Variants in GABRG2 observed in about 807,000 individuals in gnomAD.
GABRG2 encodes the protein gamma-aminobutyric acid receptor subunit gamma-2.
GABRG2 carries 16 observed loss-of-function variants against 56.4 expected under a neutral mutation model. The ratio of observed to expected loss-of-function variants is 0.28; its 90% CI spans 0.19 to 0.43. GABRG2 has a LOEUF of 0.43. Among genes scored for constraint, GABRG2 ranks in the 20% least tolerant of loss-of-function variants. The pLI, the probability that GABRG2 is intolerant of heterozygous loss-of-function variation, is 1.00. For missense variants in GABRG2, 327 were observed against 582.7 expected (o/e 0.56, Z 4.52); for synonymous variants, 208 against 205.5 (o/e 1.01, Z -0.10).
chr5:162,138,441 A>G (rs187685332), intron 6 of GABRG2, among the ~76,000 whole-genome samples: 8 of 152,290 alleles, frequency 5.3e-5, no homozygotes, highest in Admixed American at 2.6e-4. Context: ...CTCTCTGTCT[A>G]TCTGGGTTGT....
chr5:162,069,753 T>C (rs1170418170), intron 1 of GABRG2, among the ~76,000 whole-genome samples: 1 of 152,204 alleles, frequency 6.6e-6, no homozygotes, highest in Non-Finnish European at 1.5e-5. Context: ...TAATACAATT[T>C]GGTGAAATCC....
Position 162,071,867 on chromosome 5 carries a change from T to C in GABRG2, c.107+3761T>C, listed in dbSNP as rs1159765867. 3.3e-5 allele frequency among the ~76,000 whole-genome samples: 5 copies of C among 151,586 alleles called. No individual in the cohort carries two copies. The South Asian group carries it at 1.0e-3, about 31-fold the overall frequency. On this transcript the variant is annotated intron_variant, in intron 1 of 9. Coordinates refer to ENST00000639213, the MANE Select transcript of GABRG2 (RefSeq NM_198904.4). ...TAGACTGGGTAGACTATTTGAATGG[T>C]AGGGACTCTACCTTTCAAATTCAAA...
intron 9 of GABRG2, 142 bp from the exon 10 acceptor site, chr5:162,152,951 C>A: frequency 2.0e-6 from 2 of 987,418 alleles, no homozygotes; most frequent in Non-Finnish European, 3.1e-6. Flanking sequence ...TTCAATTTTA[C>A]CATTGTAGAT....
At chr5:162,094,645 A>C (rs564542223) in intron 2 of GABRG2, 1 of 153,074 alleles carries the variant, frequency 6.5e-6, no homozygotes, top group South Asian at 2.1e-4. Context: ...GATCCAGCCC[A>C]AAGTCGAGAG....
At chr5:162,115,255 T>C (rs901753865) in intron 6 of GABRG2, among the ~76,000 whole-genome samples, 1 of 152,156 alleles carries the variant, frequency 6.6e-6, no homozygotes, top group African/African-American at 2.4e-5. Context: ...AAAATCAGAC[T>C]AGACTGATTT....
At chr5:162,134,475 CT>C (rs1303525739) in intron 6 of GABRG2, among the ~76,000 whole-genome samples, 3 of 152,102 alleles carry the variant, frequency 2.0e-5, no homozygotes, top group Admixed American at 6.6e-5. Context: ...TATATTAACT[CT>C]TTTTATGTTC....
In GABRG2 at chr5:162,095,377, T is replaced by C. The variant is rs1760922263; in HGVS notation, c.260-118T>C. 14 of 699,344 alleles carry C rather than the reference T, an allele frequency of 2.0e-5. No individual in the cohort carries two copies. In the South Asian group the frequency reaches 2.2e-4, roughly 11 times the overall value. The allele number at this position is 699,344 out of a possible 1,614,324, so 43.3% of individuals were successfully genotyped here. A position where few individuals can be genotyped will look rare whatever the true frequency, so the allele number is the denominator to read the frequency against. Reference sequence around the variant, plus strand: ...GGTGAATTAGTAACTGGTACCAAATTAGTTGTGAATAAATTACTTCTAATG... The same window carrying C: ...GGTGAATTAGTAACTGGTACCAAATCAGTTGTGAATAAATTACTTCTAATG... On this transcript the variant is annotated intron_variant, in intron 2 of 9. Transcript: ENST00000639213.
intron 6 of GABRG2, among the ~76,000 whole-genome samples, chr5:162,116,188 TG>T (rs973314099): frequency 6.6e-6 from 1 of 151,296 alleles, no homozygotes; most frequent in Non-Finnish European, 1.5e-5. Flanking sequence ...CTTTATCTAG[TG>T]TGTAATTTAT....
intron 6 of GABRG2, among the ~76,000 whole-genome samples, chr5:162,115,966 G>C (rs1276928998): frequency 6.6e-6 from 1 of 151,898 alleles, no homozygotes; most frequent in Non-Finnish European, 1.5e-5. Context: ...GAAATTTCCA[G>C]GTACAACCAA....
intron 6 of GABRG2, among the ~76,000 whole-genome samples, chr5:162,131,018 A>T (rs1012889423): frequency 6.6e-6 from 1 of 152,038 alleles, no homozygotes; most frequent in African/African-American, 2.4e-5. Flanking sequence ...CTAAGTGATG[A>T]AGTGTCTTAA....
intron 6 of GABRG2, among the ~76,000 whole-genome samples, chr5:162,105,586 C>A (rs1183628308): frequency 1.3e-5 from 2 of 151,718 alleles, no homozygotes; most frequent in African/African-American, 4.8e-5. Context: ...CCCACCACCA[C>A]GCCTGGCTAA....
Position 162,094,985 on chromosome 5 carries a change from T to C in GABRG2, c.260-510T>C, listed in dbSNP as rs1409212323. Among the ~76,000 whole-genome samples, 4 of 152,272 alleles carry C rather than the reference T, an allele frequency of 2.6e-5. No individual in the cohort carries two copies. In the East Asian group the frequency reaches 7.7e-4, roughly 29 times the overall value. ...TGTGTTGGTGAGAGGAGTGTGAGGA[T>C]AATGTGGTCATTAAAGGAATCAACA... On this transcript the variant is annotated intron_variant, in intron 2 of 9. Coordinates refer to ENST00000639213, the MANE Select transcript of GABRG2 (RefSeq NM_198904.4).
intron 3 of GABRG2, among the ~76,000 whole-genome samples, chr5:162,097,027 C>T (rs962439625): frequency 5.3e-5 from 8 of 152,086 alleles, no homozygotes; most frequent in Admixed American, 3.9e-4. Context: ...TATCCTAACA[C>T]GGCCTACCCA....
intron 1 of GABRG2, among the ~76,000 whole-genome samples, chr5:162,092,640 C>T (rs1000196892): frequency 7.9e-5 from 12 of 151,864 alleles, no homozygotes; most frequent in African/African-American, 2.7e-4. Flanking sequence ...ACTTGATGAC[C>T]GAGTATGAAT....
chr5:162,127,658 T>C (rs1489295351), intron 6 of GABRG2, among the ~76,000 whole-genome samples: 1 of 151,974 alleles, frequency 6.6e-6, no homozygotes, highest in Non-Finnish European at 1.5e-5. Flanking sequence ...TTAAATATGT[T>C]GTCTCCTGAA....
At chr5:162,133,274 A>G (rs1485811218) in intron 6 of GABRG2, among the ~76,000 whole-genome samples, 1 of 152,112 alleles carries the variant, frequency 6.6e-6, no homozygotes, top group Non-Finnish European at 1.5e-5. Flanking sequence ...AGATGACAAA[A>G]CACTTTGCCT....
intron 1 of GABRG2, among the ~76,000 whole-genome samples, chr5:162,079,531 G>T (rs960755608): frequency 2.0e-5 from 3 of 151,948 alleles, no homozygotes; most frequent in African/African-American, 7.2e-5. Flanking sequence ...CTAGCACCCT[G>T]CCAGCTGCTG....
intron 6 of GABRG2, among the ~76,000 whole-genome samples, chr5:162,119,143 GA>G (rs1489220266): frequency 1.3e-5 from 2 of 152,066 alleles, no homozygotes; most frequent in African/African-American, 4.8e-5. Context: ...CAGAGATATA[GA>G]GAAATATTTA....
At chr5:162,092,905 G>T (rs1012347393) in intron 1 of GABRG2, among the ~76,000 whole-genome samples, 4 of 152,032 alleles carry the variant, frequency 2.6e-5, no homozygotes, top group Non-Finnish European at 4.4e-5. Flanking sequence ...CTTTTGCACG[G>T]GTGTGTGTGT....
Sources: gnomAD v4.1 joint callset for allele counts (sites outside exome capture counted in the v4.1 genomes callset) on GRCh38, gnomAD v4.1.1 for gene constraint, MANE v1.5 for transcripts, NCBI Gene and HGNC (gene_info 2026-07-23, HGNC 2026-07-21) for gene names.